Variants in ZBTB4 observed in about 807,000 individuals in gnomAD.
ZBTB4 encodes the protein zinc finger and BTB domain containing 4.
Under a neutral mutation model 59.8 loss-of-function variants are expected in ZBTB4, and 14 were observed. The ratio of observed to expected loss-of-function variants is 0.23; its 90% CI spans 0.15 to 0.37. The LOEUF is 0.37. Among genes scored for constraint, ZBTB4 ranks in the 10% least tolerant of loss-of-function variants. ZBTB4 has a pLI of 1.00. For missense variants in ZBTB4, 1,198 were observed against 1,380.8 expected (o/e 0.87, Z 2.10); for synonymous variants, 587 against 575.2 (o/e 1.02, Z -0.29).
chr17:7,482,709 A>T, upstream of ZBTB4: 1 of 1,612,000 alleles, frequency 6.2e-7, no homozygotes. Flanking sequence ...TTTGTGCTGC[A>T]GCCCCCCGTG....
rs1324052978 is a variant in ZBTB4, at chr17:7,479,509, C to G, written c.-134G>C. 1 of 160,104 alleles carries G rather than the reference C, an allele frequency of 6.2e-6. No individual in the cohort carries two copies. The highest frequency in any genetic ancestry group is 1.9e-4 in the East Asian group (1 of 5,384). The allele number at this position is 160,104 out of a possible 1,614,324, so 9.9% of individuals were successfully genotyped here. ...GCCCGGCTCATCACCGTGGCCGCCC[C>G]CGGCCGCTCCGGTTTTGCCCGCCTC... On this transcript the variant is annotated 5_prime_UTR_variant, in exon 1 of 4. Coordinates refer to ENST00000380599, the MANE Select transcript of ZBTB4 (RefSeq NM_001128833.2).
At chr17:7,481,601 C>CTGTCTCAGT (rs2070346145), upstream of ZBTB4, 5 of 1,038,408 alleles carry the variant, frequency 4.8e-6, no homozygotes, top group Non-Finnish European at 6.8e-6. Flanking sequence ...TAAAACTTAG[C>CTGTCTCAGT]TGTCTCAGAG....
chr17:7,473,985 C>T (rs985963644), intron 1 of ZBTB4, among the ~76,000 whole-genome samples: 4 of 150,932 alleles, frequency 2.7e-5, no homozygotes, highest in South Asian at 4.2e-4. Context: ...TGATCTCTCT[C>T]GGCTCACTGC....
rs765991494 is a variant in ZBTB4 at position 7,466,790 on chromosome 17, A to AGG, written c.10_11dup (p.Ala5LeufsTer4). ...CATGGGACGGGTCCGTCACCTCTGC[A>AGG]GGGGGGGGCATGGTGCCAGCCTAGA... is the stretch of plus-strand genomic sequence containing the variant. On this transcript the variant is annotated frameshift_variant, in exon 3 of 4. Transcript: ENST00000380599. LOFTEE classifies it high-confidence loss of function. This position sits in a 1 kb window ranked among gnomAD's most constrained non-coding sequence, Gnocchi z 9.1. The AGG allele has an allele frequency of 6.4e-7, 1 of 1,562,228 alleles. No individual in the cohort carries two copies.
intron 1 of ZBTB4, among the ~76,000 whole-genome samples, chr17:7,473,750 T>C (rs143570694): frequency 6.6e-6 from 1 of 151,950 alleles, no homozygotes; most frequent in Non-Finnish European, 1.5e-5. Context: ...GGTTTCACCA[T>C]GTTCCCCAGG....
chr17:7,468,727 G>A (rs2070160959), intron 1 of ZBTB4, among the ~76,000 whole-genome samples: 1 of 152,156 alleles, frequency 6.6e-6, no homozygotes, highest in African/African-American at 2.4e-5. Context: ...GGCATCAGGA[G>A]TTCCTCATAC....
chr17:7,481,407 G>T (rs923996672), upstream of ZBTB4: 4 of 1,348,724 alleles, frequency 3.0e-6, no homozygotes, highest in Non-Finnish European at 1.9e-6. Flanking sequence ...ACCACCTCAG[G>T]AGAGTTCCAG....
chr17:7,472,760 C>T (rs1392664422), intron 1 of ZBTB4, among the ~76,000 whole-genome samples: 2 of 148,934 alleles, frequency 1.3e-5, no homozygotes, highest in African/African-American at 2.5e-5. Flanking sequence ...CCCACCTCAG[C>T]GTCCCTAGTA....
In ZBTB4 at chr17:7,466,625, C is replaced by T. The variant is rs1349233847; in HGVS notation, c.177G>A (p.Leu59=). ...AASSPFFREA[L]LTSAPLPLPP... is the part of the protein sequence containing the mutation. ...GAAGGGGTAGTGGGGCTGAAGTGAG[C>T]AGGGCCTCTCTGAAGAAGGGACTTG... The change falls in exon 3 of 4, where the codon CTG becomes CTA. Residue 59 remains leucine, a synonymous_variant. Transcript: ENST00000380599. The surrounding 1 kb of genome is among the most constrained non-coding windows in gnomAD (Gnocchi z 9.1). The T allele has an allele frequency of 3.1e-6, 5 of 1,613,852 alleles. No homozygotes were observed. The highest frequency in any genetic ancestry group is 1.7e-4 in the Middle Eastern group (1 of 6,058).
intron 1 of ZBTB4, among the ~76,000 whole-genome samples, chr17:7,469,899 T>G (rs1014729765): frequency 2.6e-5 from 4 of 151,326 alleles, no homozygotes; most frequent in African/African-American, 9.7e-5. Context: ...CTGAAAAACA[T>G]GGTGAAACCC....
Position 7,465,717 on chromosome 17 carries a change from T to A in ZBTB4, c.1085A>T (p.Glu362Val). The A allele has an allele frequency of 6.3e-7, 1 of 1,599,068 alleles. No individual in the cohort carries two copies. The highest frequency in any genetic ancestry group is 8.5e-7 in the Non-Finnish European group (1 of 1,169,780). Residue 362 changes from glutamate (E) to valine (V), a missense_variant, in exon 3 of 4, where the codon GAG becomes GTG. Physicochemically the swap from Glu to Val is moderately radical, Grantham distance 121. Around this residue, in one of 9 missense-constraint regions of ZBTB4, gnomAD observed 60 missense variants for 93.0 expected, o/e 0.64. Transcript: ENST00000380599. The part of the protein sequence containing the change: ...RTKHEVWHTG[E>V]RRYQCIFCWE... ...GCCAGCCTGGATCACTCACCTGCGC[T>A]CCCCCGTGTGCCACACTTCATGCTT...
In ZBTB4 at chr17:7,463,596, G is replaced by A; in HGVS notation, c.1386C>T (p.Ala462=). The A allele has an allele frequency of 1.2e-6, 2 of 1,600,892 alleles. No individual in the cohort carries two copies. The highest frequency in any genetic ancestry group is 4.5e-5 in the East Asian group (2 of 44,802). Residue 462 remains alanine (A), a synonymous_variant, in exon 4 of 4, where the codon GCC becomes GCT. Coordinates refer to ENST00000380599, the MANE Select transcript of ZBTB4 (RefSeq NM_001128833.2). ...PASPPPGPPP[A]PEPGPPPSVI... is the part of the protein sequence containing the mutation. The stretch of plus-strand genomic sequence containing the variant: ...CAGAGGGTGGAGGGCCAGGCTCTGG[G>A]GCAGGTGGAGGCCCAGGCGGCGGGC...
chr17:7,469,069 G>A (rs2070164709), intron 1 of ZBTB4, among the ~76,000 whole-genome samples: 1 of 152,118 alleles, frequency 6.6e-6, no homozygotes, highest in Non-Finnish European at 1.5e-5. Flanking sequence ...GAGAACCACT[G>A]GCTCACCGGG....
At chr17:7,472,190 C>G (rs1254117029) in intron 1 of ZBTB4, among the ~76,000 whole-genome samples, 1 of 151,826 alleles carries the variant, frequency 6.6e-6, no homozygotes, top group African/African-American at 2.4e-5. Flanking sequence ...CTTAGTAACA[C>G]TTTTTCTTTT....
At chr17:7,478,110 C>T (rs544459059) in intron 1 of ZBTB4, among the ~76,000 whole-genome samples, 1 of 152,242 alleles carries the variant, frequency 6.6e-6, no homozygotes, top group African/African-American at 2.4e-5. Context: ...GGGTCTGAGG[C>T]CCACACTGCC....
At position 7,462,216 on chromosome 17, in the gene ZBTB4, G is replaced by A. The variant is rs1208264645; in HGVS notation, c.2766C>T (p.Tyr922=). 5.0e-6 allele frequency: 8 copies of A among 1,613,670 alleles called. No homozygotes were observed. Among genetic ancestry groups the A allele is most frequent in the African/African-American group, 4.0e-5 (3 of 74,854 alleles). The change falls in exon 4 of 4, where the codon TAC becomes TAT. Residue 922 remains tyrosine, a synonymous_variant. Transcript: ENST00000380599. The surrounding 1 kb of genome is among the most constrained non-coding windows in gnomAD (Gnocchi z 7.5). ...GGAGCTGGGGGCCATAGACGAGCGG[G>A]TAGGGCTCAGGGTAGAAAGTGACTT... ...AAKVTFYPEP[Y]PLVYGPQLLA...
chr17:7,480,780 T>C (rs2070335156), upstream of ZBTB4, among the ~76,000 whole-genome samples: 1 of 151,636 alleles, frequency 6.6e-6, no homozygotes, highest in South Asian at 2.1e-4. Context: ...ATAAACAAAT[T>C]AATGTAAAGC....
Position 7,461,961 on chromosome 17 carries a change from G to C in ZBTB4, c.3021C>G (p.Thr1007=). ...GEGERAGVER[T]QKGDVG ...GGGTTCACCCCACATCGCCCTTCTG[G>C]GTTCTCTCAACCCCTGCCCTTTCCC... Residue 1007 remains threonine, a synonymous_variant, in exon 4 of 4, where the codon ACC becomes ACG. Coordinates refer to ENST00000380599, the MANE Select transcript of ZBTB4 (RefSeq NM_001128833.2). 6.4e-7 allele frequency: 1 copy of C among 1,562,294 alleles called. No homozygotes were observed. The highest frequency in any genetic ancestry group is 2.3e-5 in the East Asian group (1 of 44,360).
At chr17:7,483,595 C>T (rs1261852664), upstream of ZBTB4, 1 of 161,006 alleles carries the variant, frequency 6.2e-6, no homozygotes, top group Non-Finnish European at 1.4e-5. Context: ...CCATTTTATT[C>T]CTGAAATATT....
Sources: allele counts gnomAD v4.1 joint callset (sites outside exome capture counted in the v4.1 genomes callset), GRCh38; gene constraint gnomAD v4.1.1; regional missense constraint gnomAD v4.1.1; non-coding constraint Gnocchi (gnomAD v3.1); transcripts MANE v1.5; gene names NCBI Gene and HGNC (gene_info 2026-07-23, HGNC 2026-07-21).